The following CNTLN variants were observed in gnomAD, a reference collection of about 807,000 sequenced individuals.
CNTLN encodes the protein centlein, centrosomal protein.
A neutral mutation model predicts 180.0 loss-of-function variants in CNTLN; 212 were observed. The observed-to-expected ratio is 1.18, with a 90% CI of 1.05 to 1.32. The LOEUF (loss-of-function observed/expected upper bound fraction) is 1.32, where lower values mean the gene tolerates loss of function less well. Ranked by LOEUF, CNTLN falls within the 40% of genes most tolerant of loss-of-function variation. The probability of loss-of-function intolerance (pLI) is 0.00; values close to 1 mark genes in which losing one functional copy is unlikely to be tolerated. For missense variants in CNTLN, 2,095 were observed against 1,610.9 expected, an observed-to-expected ratio of 1.30 and a Z score of -5.14; for synonymous variants, 722 against 563.1, an observed-to-expected ratio of 1.28 and a Z score of -3.99.
Position 17,211,331 on chromosome 9 carries a change from G to T in CNTLN, c.450-14872G>T, listed in dbSNP as rs569297588. Among the ~76,000 whole-genome samples, 16 of 152,180 alleles carry T rather than the reference G, an allele frequency of 1.1e-4. No individual in the cohort carries two copies. In the South Asian group the frequency reaches 3.3e-3, roughly 32 times the overall value. On this transcript the variant is annotated intron_variant, in intron 2 of 25. Transcript: ENST00000380647. ...ATAGGGAATCCTTTCCCCATTTCTT[G>T]TTTTTGTCAGGTTTGTCAAAGATCA...
intron 16 of CNTLN, among the ~76,000 whole-genome samples, chr9:17,414,684 A>G (rs536526722): frequency 6.6e-6 from 1 of 152,328 alleles, no homozygotes; most frequent in South Asian, 2.1e-4. Flanking sequence ...TGTGTTAATC[A>G]GTTTCATGAC....
At chr9:17,158,786 C>T (rs1819477156) in intron 2 of CNTLN, among the ~76,000 whole-genome samples, 1 of 151,884 alleles carries the variant, frequency 6.6e-6, no homozygotes, top group Admixed American at 6.6e-5. Flanking sequence ...AAAGGTTTGT[C>T]AATTTTGTTG....
At chr9:17,205,277 T>TAAATGGC (rs1822837833) in intron 2 of CNTLN, among the ~76,000 whole-genome samples, 1 of 152,198 alleles carries the variant, frequency 6.6e-6, no homozygotes. Context: ...TTATCCCATG[T>TAAATGGC]AAATGGCAAT....
chr9:17,331,426 A>C (rs1028399657), intron 9 of CNTLN, among the ~76,000 whole-genome samples: 73 of 151,850 alleles, frequency 4.8e-4, no homozygotes, highest in Non-Finnish European at 1.6e-4. Context: ...AATGTTGACT[A>C]ATATAAAAAT....
Position 17,358,499 on chromosome 9 carries a change from A to T in CNTLN, c.1887-8118A>T, listed in dbSNP as rs117349891. 7.3e-3 allele frequency among the ~76,000 whole-genome samples: 1,106 copies of T among 152,274 alleles called. 9 individuals carry two copies. The highest frequency in any genetic ancestry group is 0.013 in the Non-Finnish European group (865 of 67,970). Reference sequence around the variant, plus strand: ...AATATAGTTACACATAACTGCACACATGTAGACGTACACGTGTGTATGTAC... The same window carrying T: ...AATATAGTTACACATAACTGCACACTTGTAGACGTACACGTGTGTATGTAC... On this transcript the variant is annotated intron_variant, in intron 12 of 25. Coordinates refer to ENST00000380647, the MANE Select transcript of CNTLN (RefSeq NM_017738.4).
At chr9:17,440,489 T>C (rs1385515655) in intron 18 of CNTLN, among the ~76,000 whole-genome samples, 1 of 148,020 alleles carries the variant, frequency 6.8e-6, no homozygotes, top group Non-Finnish European at 1.5e-5. Context: ...TTCGAGAGGC[T>C]GAGGCAGGAG....
At chr9:17,484,533 A>G in intron 24 of CNTLN, 53 bp downstream of exon 24, 1 of 1,381,660 alleles carries the variant, frequency 7.2e-7, no homozygotes, top group Non-Finnish European at 9.8e-7. Context: ...ACTGGACTTA[A>G]GTAGATATTT....
At chr9:17,463,953 AGC>A (rs1831598354) in intron 20 of CNTLN, among the ~76,000 whole-genome samples, 1 of 151,474 alleles carries the variant, frequency 6.6e-6, no homozygotes, top group African/African-American at 2.4e-5. Context: ...CAGCAGCAGC[AGC>A]AGTAGCAGTG....
In CNTLN at chr9:17,446,227, T is replaced by A. The variant is rs140941284; in HGVS notation, c.3115-11297T>A. Among the ~76,000 whole-genome samples, 1,079 of 152,234 alleles carry A rather than the reference T, an allele frequency of 7.1e-3. 12 individuals carry two copies. Among genetic ancestry groups the A allele is most frequent in the African/African-American group, 0.024 (1,000 of 41,520 alleles). On this transcript the variant is annotated intron_variant, in intron 18 of 25. Coordinates refer to ENST00000380647, the MANE Select transcript of CNTLN (RefSeq NM_017738.4). The stretch of plus-strand genomic sequence containing the variant: ...ACGCTGGTTCCCCGGGTCCCCTTAC[T>A]TCTTTCTCTGTACTTTGTCTCTGTG...
intron 8 of CNTLN, among the ~76,000 whole-genome samples, chr9:17,320,792 C>T (rs1302025197): frequency 1.3e-5 from 2 of 152,176 alleles, no homozygotes; most frequent in Non-Finnish European, 2.9e-5. Context: ...CACAAGCCAC[C>T]GTGTCTGGCC....
intron 2 of CNTLN, 31 bp from the exon 3 acceptor site, chr9:17,226,172 G>T: frequency 8.6e-7 from 1 of 1,161,220 alleles, no homozygotes; most frequent in South Asian, 1.5e-5. Context: ...TACCAGTTAT[G>T]ACTAATAAAC....
intron 25 of CNTLN, among the ~76,000 whole-genome samples, chr9:17,497,875 T>A (rs1833540896): frequency 6.6e-6 from 1 of 152,198 alleles, no homozygotes; most frequent in Non-Finnish European, 1.5e-5. Flanking sequence ...GATTTGTGTG[T>A]GTGCTTGTAT....
At chr9:17,326,795 A>G (rs1453780029) in intron 8 of CNTLN, among the ~76,000 whole-genome samples, 2 of 152,162 alleles carry the variant, frequency 1.3e-5, no homozygotes, top group East Asian at 3.9e-4. Flanking sequence ...TGAGAAAAAC[A>G]TCAGACAAAT....
chr9:17,464,741 C>A, intron 21 of CNTLN, 118 bp downstream of exon 21: 1 of 618,936 alleles, frequency 1.6e-6, no homozygotes, highest in Non-Finnish European at 2.6e-6. Flanking sequence ...TATGTATTTA[C>A]TGTTACAAAG....
intron 8 of CNTLN, among the ~76,000 whole-genome samples, chr9:17,323,270 A>G (rs758259913): frequency 2.3e-4 from 35 of 152,318 alleles, no homozygotes; most frequent in South Asian, 6.2e-4. Context: ...AGGTAGTCAT[A>G]CATTATTGGA....
At chr9:17,441,485 A>T (rs976838960) in intron 18 of CNTLN, among the ~76,000 whole-genome samples, 3 of 152,118 alleles carry the variant, frequency 2.0e-5, no homozygotes, top group Non-Finnish European at 4.4e-5. Flanking sequence ...ATGAGCTTAA[A>T]AGATTGTTAT....
intron 12 of CNTLN, among the ~76,000 whole-genome samples, chr9:17,362,855 A>T (rs1048211403): frequency 6.6e-6 from 1 of 152,024 alleles, no homozygotes; most frequent in Admixed American, 6.6e-5. Flanking sequence ...CATCATCTAC[A>T]TTAAGTATTT....
intron 2 of CNTLN, among the ~76,000 whole-genome samples, chr9:17,160,774 G>T (rs956475929): frequency 6.6e-6 from 1 of 152,292 alleles, no homozygotes; most frequent in Admixed American, 6.5e-5. Flanking sequence ...GAGGAAAAAT[G>T]TAACCTTTAA....
intron 5 of CNTLN, among the ~76,000 whole-genome samples, chr9:17,249,823 A>T (rs1826033211): frequency 6.7e-6 from 1 of 149,652 alleles, no homozygotes; most frequent in Admixed American, 6.7e-5. Flanking sequence ...TGAATGTTTC[A>T]TATGTACTTG....
Sources: allele counts gnomAD v4.1 joint callset (sites outside exome capture counted in the v4.1 genomes callset), GRCh38; gene constraint gnomAD v4.1.1; transcripts MANE v1.5; gene names NCBI Gene and HGNC (gene_info 2026-07-23, HGNC 2026-07-21).